SDAD1: variants seen among roughly 807,000 people sequenced by gnomAD.
SDAD1 encodes SDA1 domain containing 1, also known as protein SDA1 homolog.
Under a neutral mutation model 100.3 loss-of-function variants are expected in SDAD1, and 79 were observed. The observed-to-expected ratio is 0.79, with a 90% confidence interval of 0.66 to 0.95. The LOEUF (loss-of-function observed/expected upper bound fraction) is 0.95, where lower values mean the gene tolerates loss of function less well. SDAD1 is among the 40% of genes least tolerant of loss of function. The probability of loss-of-function intolerance (pLI) is 0.00; values close to 1 mark genes in which losing one functional copy is unlikely to be tolerated. For synonymous variants in SDAD1, 267 were observed against 271.4 expected, an observed-to-expected ratio of 0.98 and a Z score of 0.16; for missense variants, 790 against 810.9, an observed-to-expected ratio of 0.97 and a Z score of 0.31.
intron 17 of SDAD1, among the ~76,000 whole-genome samples, chr4:75,959,097 CAAAAAAAAAAA>C (rs61245198): frequency 1.8e-4 from 10 of 54,986 alleles, no homozygotes; most frequent in African/African-American, 5.7e-4. Context: ...GACTCTGTCT[CAAAAAAAAAAA>C]AAAAAAAAAA....
At chr4:75,966,310 A>T (rs397707739) in intron 12 of SDAD1, among the ~76,000 whole-genome samples, 1 of 144,662 alleles carries the variant, frequency 6.9e-6, no homozygotes, top group East Asian at 2.0e-4. Context: ...ACACACACAC[A>T]CACTGTCTCT....
Position 75,956,132 on chromosome 4 carries a change from C to G in SDAD1, c.1859G>C (p.Gly620Ala), listed in dbSNP as rs140718662. 23,544 of 1,599,908 alleles carry G rather than the reference C, an allele frequency of 0.015. 242 individuals carry two copies. Among genetic ancestry groups the G allele is most frequent in the South Asian group, 0.021 (1,874 of 87,904 alleles). ...KETRLATAMA[G>A]KTDRKEFVRK... ...CACAAATTCTTTTCGGTCTGTCTTT[C>G]CAGCCTACCAGAACAAAAAGTTTGA... is the stretch of plus-strand genomic sequence containing the variant. Residue 620 changes from glycine (G) to alanine (A), a missense_variant, in exon 21 of 22, where the codon GGA (glycine) becomes GCA (alanine). By Grantham distance (60) the Gly-to-Ala change is moderately conservative (BLOSUM62 0). Transcript: ENST00000356260.
chr4:75,976,058 T>C (rs1315558687), intron 4 of SDAD1, 63 bp from the exon 5 acceptor site: 13 of 1,055,692 alleles, frequency 1.2e-5, no homozygotes, highest in Non-Finnish European at 1.7e-5. Context: ...CTTGCTAAAT[T>C]TGGAGAACAG....
intron 18 of SDAD1, 64 bp from the exon 19 acceptor site, chr4:75,957,772 T>A: frequency 2.5e-6 from 4 of 1,611,860 alleles, no homozygotes; most frequent in Non-Finnish European, 3.4e-6. Context: ...ATTTAAATTG[T>A]AGCCTCCCAA....
rs1451657119 is a variant in SDAD1 at position 75,969,029 on chromosome 4, T to TC, written c.987+266dup. On this transcript the variant is annotated intron_variant, in intron 11 of 21. Coordinates refer to ENST00000356260, the MANE Select transcript of SDAD1 (RefSeq NM_018115.4). ...CTGGGCAATAGAGGGAGACTCTGTC[T>TC]CAAAAAAAAAAAAAAAAAAAAAAAA... is the stretch of plus-strand genomic sequence containing the variant. Among the ~76,000 whole-genome samples, 88 of 32,468 alleles carry TC rather than the reference T, an allele frequency of 2.7e-3. 1 individual carries two copies. The highest frequency in any genetic ancestry group is 0.025 in the Middle Eastern group (1 of 40). The allele number at this position is 32,468 out of a possible 152,430, so 21.3% of individuals were successfully genotyped here. A position where few individuals can be genotyped will look rare whatever the true frequency, so the allele number is the denominator to read the frequency against.
intron 1 of SDAD1, among the ~76,000 whole-genome samples, chr4:75,983,991 C>T (rs1730711611): frequency 6.6e-6 from 1 of 152,090 alleles, no homozygotes; most frequent in African/African-American, 2.4e-5. Context: ...GGTCCAGTTT[C>T]AGCTTTCTGC....
intron 18 of SDAD1, 66 bp downstream of exon 18, chr4:75,957,781 A>G: frequency 6.2e-7 from 1 of 1,611,952 alleles, no homozygotes; most frequent in South Asian, 1.1e-5. Context: ...GTAGCCTCCC[A>G]ACAAGGCCCA....
intron 12 of SDAD1, among the ~76,000 whole-genome samples, chr4:75,966,308 A>T (rs1471739651): frequency 2.0e-5 from 3 of 148,134 alleles, no homozygotes; most frequent in Non-Finnish European, 1.5e-5. Context: ...ACACACACAC[A>T]CACACTGTCT....
At chr4:75,968,754 A>G (rs994144320) in intron 11 of SDAD1, among the ~76,000 whole-genome samples, 2 of 152,186 alleles carry the variant, frequency 1.3e-5, no homozygotes, top group Admixed American at 6.5e-5. Flanking sequence ...AGAACAGGCC[A>G]GGTGCGGTGG....
intron 21 of SDAD1, among the ~76,000 whole-genome samples, chr4:75,952,123 A>G (rs1728656620): frequency 6.6e-6 from 1 of 152,228 alleles, no homozygotes; most frequent in Non-Finnish European, 1.5e-5. Flanking sequence ...GTTCATTTCA[A>G]CTTAATTTGG....
intron 7 of SDAD1, among the ~76,000 whole-genome samples, chr4:75,973,725 G>A (rs540585008): frequency 5.9e-5 from 9 of 152,156 alleles, no homozygotes; most frequent in Non-Finnish European, 1.0e-4. Flanking sequence ...TAGCAGTGCC[G>A]AAGCCCAACG....
At chr4:75,975,722 G>A (rs1342331897) in intron 6 of SDAD1, 22 bp downstream of exon 6, 5 of 1,528,250 alleles carry the variant, frequency 3.3e-6, no homozygotes, top group Non-Finnish European at 4.5e-6. Context: ...TACTTCTCAA[G>A]AGACAAATAT....
intron 1 of SDAD1, among the ~76,000 whole-genome samples, chr4:75,987,563 G>A (rs906810688): frequency 3.3e-5 from 5 of 152,008 alleles, no homozygotes; most frequent in African/African-American, 7.2e-5. Context: ...GTGCAGTGGC[G>A]CGATCTCGGC....
intron 6 of SDAD1, 71 bp from the exon 7 acceptor site, chr4:75,974,204 C>T (rs918993113): frequency 4.2e-6 from 5 of 1,202,978 alleles, no homozygotes; most frequent in Non-Finnish European, 6.2e-6. Flanking sequence ...GACAATGGCA[C>T]AAAATAAATG....
intron 21 of SDAD1, among the ~76,000 whole-genome samples, chr4:75,955,138 A>G (rs1437886366): frequency 6.6e-6 from 1 of 152,164 alleles, no homozygotes; most frequent in Non-Finnish European, 1.5e-5. Flanking sequence ...TGATGCACAC[A>G]CTATATTGTA....
intron 13 of SDAD1, 86 bp downstream of exon 13, chr4:75,965,678 C>A (rs781655640): frequency 1.7e-5 from 17 of 1,020,048 alleles, no homozygotes; most frequent in Admixed American, 2.0e-5. Context: ...TTATCGGGGG[C>A]AGGTTCCCCC....
chr4:75,954,200 T>C lies in SDAD1; in HGVS notation c.2016+1775A>G, dbSNP rs540078706. ...ATCAAGACCATCCTGGCTAACACGGTGAAACTCCGTCTCTACTAAAAATAC... is the reference window on the plus strand; with the variant it reads ...ATCAAGACCATCCTGGCTAACACGGCGAAACTCCGTCTCTACTAAAAATAC... On this transcript the variant is annotated intron_variant, in intron 21 of 21. Transcript: ENST00000356260. Among the ~76,000 whole-genome samples the C allele has an allele frequency of 2.0e-5, 3 of 152,046 alleles. No individual in the cohort carries two copies. In the East Asian group the frequency reaches 5.8e-4, roughly 30 times the overall value.
At chr4:75,958,495 T>C (rs1050758809) in intron 17 of SDAD1, among the ~76,000 whole-genome samples, 6 of 152,208 alleles carry the variant, frequency 3.9e-5, no homozygotes, top group African/African-American at 7.2e-5. Context: ...GGCTTCTTAA[T>C]GGAGCCACCA....
chr4:75,966,674 G>A (rs1292148849), intron 12 of SDAD1, among the ~76,000 whole-genome samples: 1 of 152,182 alleles, frequency 6.6e-6, no homozygotes, highest in Non-Finnish European at 1.5e-5. Context: ...TTATGAAGAT[G>A]CAATAAAACG....
Sources: allele counts gnomAD v4.1 joint callset (sites outside exome capture counted in the v4.1 genomes callset), GRCh38; gene constraint gnomAD v4.1.1; transcripts MANE v1.5; gene names NCBI Gene and HGNC (gene_info 2026-07-23, HGNC 2026-07-21).